EYA2: variants seen among roughly 807,000 people sequenced by gnomAD.
EYA2 encodes the protein protein phosphatase EYA2.
Under a neutral mutation model 69.2 loss-of-function variants are expected in EYA2, and 31 were observed. The ratio of observed to expected loss-of-function variants is 0.45; its 90% CI spans 0.34 to 0.60. The LOEUF is 0.60. Ranked by LOEUF, EYA2 falls within the 20% of genes least tolerant of loss-of-function variation. The pLI is 0.02. For synonymous variants in EYA2, 257 were observed against 279.4 expected, an observed-to-expected ratio of 0.92 and a Z score of 0.80; for missense variants, 622 against 701.2, an observed-to-expected ratio of 0.89 and a Z score of 1.28.
chr20:47,032,084 A>G (rs1984448643), intron 5 of EYA2, among the ~76,000 whole-genome samples: 2 of 152,178 alleles, frequency 1.3e-5, no homozygotes. Flanking sequence ...AGACAGACAC[A>G]CAGACCCTGC....
At chr20:47,108,688 C>G (rs1464705880) in intron 9 of EYA2, among the ~76,000 whole-genome samples, 3 of 152,140 alleles carry the variant, frequency 2.0e-5, no homozygotes, top group Admixed American at 6.5e-5. Flanking sequence ...CCTCTCACCT[C>G]AGCCTCCCAA....
At chr20:47,139,885 G>A (rs1280488069) in intron 9 of EYA2, among the ~76,000 whole-genome samples, 1 of 152,082 alleles carries the variant, frequency 6.6e-6, no homozygotes, top group Non-Finnish European at 1.5e-5. Flanking sequence ...TTCTCTTCAT[G>A]TCTTCCCAGT....
intron 5 of EYA2, among the ~76,000 whole-genome samples, chr20:47,056,815 C>T (rs1004133282): frequency 1.5e-4 from 23 of 152,040 alleles, no homozygotes; most frequent in African/African-American, 5.1e-4. Context: ...GAGGCCGAGG[C>T]GGGCAGATTG....
intron 1 of EYA2, among the ~76,000 whole-genome samples, chr20:46,950,448 T>C (rs2146274043): frequency 6.6e-6 from 1 of 152,154 alleles, no homozygotes; most frequent in Non-Finnish European, 1.5e-5. Flanking sequence ...TTGCACATGG[T>C]TTGGGGTGCT....
At chr20:46,916,261 T>A (rs1177466261) in intron 1 of EYA2, among the ~76,000 whole-genome samples, 1 of 152,208 alleles carries the variant, frequency 6.6e-6, no homozygotes, top group Non-Finnish European at 1.5e-5. Flanking sequence ...CTTGAAATGC[T>A]ATTAAACCAA....
At position 46,940,600 on chromosome 20, in the gene EYA2, C is replaced by T. The variant is rs76818464; in HGVS notation, c.-11+45613C>T. 6.0e-3 allele frequency among the ~76,000 whole-genome samples: 913 copies of T among 152,302 alleles called. 10 individuals are homozygous for T. The highest frequency in any genetic ancestry group is 0.021 in the African/African-American group (865 of 41,564). On this transcript the variant is annotated intron_variant, in intron 1 of 15. Coordinates refer to ENST00000327619, the MANE Select transcript of EYA2 (RefSeq NM_005244.5). ...ATCAAAGAAAAGGCACAAAGGCCAC[C>T]CATGCAGCCAGGACCAAGGCCCAGG...
chr20:46,991,988 G>A (rs1169037329), intron 2 of EYA2, among the ~76,000 whole-genome samples: 9 of 60,898 alleles, frequency 1.5e-4, no homozygotes, highest in African/African-American at 3.3e-4. Context: ...AAAAAAAAAC[G>A]CTGAAAGCTT....
intron 9 of EYA2, among the ~76,000 whole-genome samples, chr20:47,139,799 A>G (rs2033557444): frequency 1.3e-5 from 2 of 152,136 alleles, no homozygotes; most frequent in South Asian, 2.1e-4. Flanking sequence ...CATTGTAGGC[A>G]TGATCTCTGG....
At chr20:46,899,780 G>C (rs186130345) in intron 1 of EYA2, among the ~76,000 whole-genome samples, 12 of 152,324 alleles carry the variant, frequency 7.9e-5, no homozygotes, top group Admixed American at 6.5e-4. Context: ...GGGGCTGAGA[G>C]ACTCGTCTTT....
intron 5 of EYA2, among the ~76,000 whole-genome samples, chr20:47,034,974 C>T (rs1984616486): frequency 6.6e-6 from 1 of 152,256 alleles, no homozygotes; most frequent in Non-Finnish European, 1.5e-5. Context: ...TATGAAGACA[C>T]CCTAATCCAT....
chr20:46,954,888 A>G (rs1979025048), intron 1 of EYA2, among the ~76,000 whole-genome samples: 1 of 152,112 alleles, frequency 6.6e-6, no homozygotes, highest in Admixed American at 6.5e-5. Flanking sequence ...TTGGCAGAAA[A>G]TTTACTCGAG....
At position 47,052,012 on chromosome 20, in the gene EYA2, T is replaced by C. The variant is rs188517084; in HGVS notation, c.416-20173T>C. On this transcript the variant is annotated intron_variant, in intron 5 of 15. Coordinates refer to ENST00000327619, the MANE Select transcript of EYA2 (RefSeq NM_005244.5). ...ATCAAACGTTTGTTGTGTGCCAGGT[T>C]CCAGCTGGAAATAGTGCCGAGAACA... 3.1e-3 allele frequency among the ~76,000 whole-genome samples: 471 copies of C among 152,262 alleles called. 2 individuals are homozygous for C. The highest frequency in any genetic ancestry group is 0.011 in the African/African-American group (444 of 41,502).
At chr20:47,057,145 GGAAGGA>G (rs1568750464) in intron 5 of EYA2, among the ~76,000 whole-genome samples, 213 of 111,742 alleles carry the variant, frequency 1.9e-3, no homozygotes, top group African/African-American at 6.9e-3. Context: ...GAGGGAGGAA[GGAAGGA>G]AGGAAGGAAG....
intron 1 of EYA2, among the ~76,000 whole-genome samples, chr20:46,983,190 G>A (rs1204383638): frequency 6.6e-6 from 1 of 152,132 alleles, no homozygotes; most frequent in African/African-American, 2.4e-5. Flanking sequence ...TTCAATAGCA[G>A]AATCTCGTGA....
chr20:47,103,111 C>T (rs1195593699), intron 9 of EYA2, among the ~76,000 whole-genome samples: 1 of 151,990 alleles, frequency 6.6e-6, no homozygotes, highest in Non-Finnish European at 1.5e-5. Flanking sequence ...TATTGAGATA[C>T]AATCTACATA....
At chr20:47,012,564 G>C (rs1983135753) in intron 4 of EYA2, among the ~76,000 whole-genome samples, 1 of 152,158 alleles carries the variant, frequency 6.6e-6, no homozygotes, top group Non-Finnish European at 1.5e-5. Flanking sequence ...CATGATCTTG[G>C]CTCACTGCAA....
chr20:46,925,191 C>T (rs1985361395), intron 1 of EYA2, among the ~76,000 whole-genome samples: 1 of 152,188 alleles, frequency 6.6e-6, no homozygotes, highest in Non-Finnish European at 1.5e-5. Flanking sequence ...CTCATCTTAA[C>T]TAATCACATC....
chr20:47,170,578 C>T (rs62201426), intron 11 of EYA2, among the ~76,000 whole-genome samples: 55,067 of 150,138 alleles, frequency 0.37, 11,119 homozygotes, highest in Non-Finnish European at 0.46. Context: ...ACCCAGGAGG[C>T]GGAGGTTGCA....
rs545311908 is a variant in EYA2 at position 47,001,943 on chromosome 20, T to G, written c.155+470T>G. On this transcript the variant is annotated intron_variant, in intron 3 of 15. Coordinates refer to ENST00000327619, the MANE Select transcript of EYA2 (RefSeq NM_005244.5). ...TTTTCAATCTCCCTTCTATTTTTTTTTTCTCCGAGACAGAGTCTTGCTCTG... is the reference window on the plus strand; with the variant it reads ...TTTTCAATCTCCCTTCTATTTTTTTGTTCTCCGAGACAGAGTCTTGCTCTG... 2.6e-5 allele frequency among the ~76,000 whole-genome samples: 4 copies of G among 151,876 alleles called. No individual in the cohort carries two copies. The East Asian group carries it at 7.7e-4, about 29-fold the overall frequency.
Sources: allele counts gnomAD v4.1 joint callset (sites outside exome capture counted in the v4.1 genomes callset), GRCh38; gene constraint gnomAD v4.1.1; transcripts MANE v1.5; gene names NCBI Gene and HGNC (gene_info 2026-07-23, HGNC 2026-07-21).